The following ARHGEF18 variants were observed in gnomAD, a reference collection of about 807,000 sequenced individuals.
ARHGEF18 encodes rho guanine nucleotide exchange factor 18.
Under a neutral mutation model 155.7 loss-of-function variants are expected in ARHGEF18, and 93 were observed. The ratio of observed to expected loss-of-function variants is 0.60; its 90% CI spans 0.50 to 0.71. ARHGEF18 has a LOEUF of 0.71. Ranked by LOEUF, ARHGEF18 falls within the 30% of genes least tolerant of loss-of-function variation. ARHGEF18 has a pLI of 0.00. For synonymous variants in ARHGEF18, 742 were observed against 753.1 expected, an observed-to-expected ratio of 0.99 and a Z score of 0.24; for missense variants, 1,593 against 1,816.1, an observed-to-expected ratio of 0.88 and a Z score of 2.23.
chr19:7,472,928 C>T (rs1463290862), downstream of ARHGEF18: 2 of 453,518 alleles, frequency 4.4e-6, no homozygotes, highest in African/African-American at 2.0e-5. Flanking sequence ...TCTCGAACTC[C>T]TGACCTCAAG....
At position 7,467,369 on chromosome 19, in the gene ARHGEF18, C is replaced by T; in HGVS notation, c.3165C>T (p.Ala1055=). ...NFEKQREERA[A]LEKLQSQLRH... is the part of the protein sequence containing the mutation. ...AGAAGCAGCGGGAGGAGCGCGCGGC[C>T]CTGGAGAAGCTGCAGAGCCAGCTGC... Residue 1055 remains alanine (A), a synonymous_variant, in exon 26 of 29, where the codon GCC becomes GCT. Transcript: ENST00000668164. 3.9e-6 allele frequency: 6 copies of T among 1,534,050 alleles called. No individual in the cohort carries two copies. The highest frequency in any genetic ancestry group is 5.2e-6 in the Non-Finnish European group (6 of 1,145,760).
chr19:7,465,659 T>TG (rs944202384), intron 23 of ARHGEF18, among the ~76,000 whole-genome samples: 2 of 152,186 alleles, frequency 1.3e-5, no homozygotes, highest in African/African-American at 4.8e-5. Context: ...TCCTCCTGCC[T>TG]GGGCCTCCCA....
At chr19:7,421,757 GC>G (rs1343261326) in intron 10 of ARHGEF18, among the ~76,000 whole-genome samples, 1 of 152,000 alleles carries the variant, frequency 6.6e-6, no homozygotes, top group Non-Finnish European at 1.5e-5. Context: ...GTGACACTCC[GC>G]CTCAAAAATA....
Position 7,467,416 on chromosome 19 carries a change from A to G in ARHGEF18, c.3212A>G (p.Glu1071Gly). 6.5e-7 allele frequency: 1 copy of G among 1,532,088 alleles called. No individual in the cohort carries two copies. Among genetic ancestry groups the G allele is most frequent in the Non-Finnish European group, 8.7e-7 (1 of 1,145,394 alleles). 94.9% of individuals were successfully genotyped at this position (1,532,088 alleles called of 1,614,324 possible). The change falls in exon 26 of 29, where the codon GAG becomes GGG. Residue 1071 changes from glutamate to glycine, a missense_variant. Coordinates refer to ENST00000668164, the MANE Select transcript of ARHGEF18 (RefSeq NM_001367823.1). Reference sequence around the variant, plus strand: ...CTGCGGCACGAGCAGCAGCGCTGGGAGCGCGAGCGCCAGTGGCAGCACCAG... The same window carrying G: ...CTGCGGCACGAGCAGCAGCGCTGGGGGCGCGAGCGCCAGTGGCAGCACCAG... Reference protein sequence around the residue: ...SQLRHEQQRWERERQWQHQEL... With the variant: ...SQLRHEQQRWGRERQWQHQEL...
intron 10 of ARHGEF18, among the ~76,000 whole-genome samples, chr19:7,399,928 G>A (rs1038056544): frequency 7.2e-5 from 11 of 151,748 alleles, no homozygotes; most frequent in African/African-American, 2.2e-4. Context: ...GCGTACCACC[G>A]CGCCCAATTA....
chr19:7,434,038 GAAA>G (rs148178710), intron 10 of ARHGEF18, among the ~76,000 whole-genome samples: 7 of 55,528 alleles, frequency 1.3e-4, no homozygotes, highest in South Asian at 1.5e-3. Flanking sequence ...AAAAAAAAAA[GAAA>G]AAAAAAGTAT....
chr19:7,464,113 C>A (rs935404390), intron 22 of ARHGEF18, among the ~76,000 whole-genome samples, 158 bp downstream of exon 22: 1 of 152,240 alleles, frequency 6.6e-6, no homozygotes, highest in African/African-American at 2.4e-5. Context: ...TCTCAGCTCT[C>A]TGCAACCTCT....
chr19:7,360,657 C>A (rs1969509206), intron 1 of ARHGEF18, among the ~76,000 whole-genome samples: 1 of 152,206 alleles, frequency 6.6e-6, no homozygotes, highest in Admixed American at 6.5e-5. Flanking sequence ...TCCAGTGAAG[C>A]AAGCCAACCC....
chr19:7,431,529 A>AAAAAAAAAAAAAAAAAAAAAAAAAAG lies in ARHGEF18; in HGVS notation c.968-8811_968-8810insAAAAAAAAAAAAAAAAAAAAAGAAAA, dbSNP rs901539858. On this transcript the variant is annotated intron_variant, in intron 10 of 28. Transcript: ENST00000668164. ...CCATCTCAAAAAAAAAAAAAAAAAA[A>AAAAAAAAAAAAAAAAAAAAAAAAAAG]AAAAGGCCGGGCTCAGTGGCTCACG... Among the ~76,000 whole-genome samples, 39 of 146,822 alleles carry AAAAAAAAAAAAAAAAAAAAAAAAAAG rather than the reference A, an allele frequency of 2.7e-4. 2 individuals are homozygous for AAAAAAAAAAAAAAAAAAAAAAAAAAG. The highest frequency in any genetic ancestry group is 4.8e-4 in the Non-Finnish European group (32 of 65,982).
At chr19:7,459,659 G>A (rs1025549397) in intron 19 of ARHGEF18, among the ~76,000 whole-genome samples, 4 of 152,212 alleles carry the variant, frequency 2.6e-5, no homozygotes, top group African/African-American at 9.6e-5. Flanking sequence ...CTGTCCCCTG[G>A]ACTCCTCCTC....
At chr19:7,349,788 T>C (rs1182785256) in intron 1 of ARHGEF18, among the ~76,000 whole-genome samples, 1 of 152,056 alleles carries the variant, frequency 6.6e-6, no homozygotes, top group Non-Finnish European at 1.5e-5. Flanking sequence ...GAGCTCCTTG[T>C]AGCCAAGGCC....
At chr19:7,381,896 A>G (rs979654640) in intron 8 of ARHGEF18, among the ~76,000 whole-genome samples, 4 of 152,018 alleles carry the variant, frequency 2.6e-5, no homozygotes, top group Non-Finnish European at 5.9e-5. Context: ...GATATTTACA[A>G]AGTTCCAGAA....
At chr19:7,477,940 TGAGCC>T in the ARHGEF18 span, among the ~76,000 whole-genome samples, 1 of 152,248 alleles carries the variant, frequency 6.6e-6, no homozygotes, top group Non-Finnish European at 1.5e-5. Context: ...GAGGATCAGT[TGAGCC>T]CAGGAGGCAG....
intron 10 of ARHGEF18, among the ~76,000 whole-genome samples, chr19:7,419,717 C>T (rs1018071332): frequency 1.3e-5 from 2 of 152,086 alleles, no homozygotes; most frequent in African/African-American, 2.4e-5. Context: ...CACTGAGTTG[C>T]GTAGGGTGTG....
At position 7,470,355 on chromosome 19, in the gene ARHGEF18, T is replaced by G; in HGVS notation, c.*57T>G. The G allele has an allele frequency of 7.2e-7, 1 of 1,383,896 alleles. No homozygotes were observed. Among genetic ancestry groups the G allele is most frequent in the African/African-American group, 1.5e-5 (1 of 66,430 alleles). The allele number at this position is 1,383,896 out of a possible 1,614,324, so 85.7% of individuals were successfully genotyped here. On this transcript the variant is annotated 3_prime_UTR_variant, in exon 29 of 29. Transcript: ENST00000668164. The surrounding 1 kb of genome is among the most constrained non-coding windows in gnomAD (Gnocchi z 5.9). ...CCTGCCCTGCCCACCCTTCCTGCTC[T>G]CTGGGGACCCCCATGGGGTCACCAT... is the stretch of plus-strand genomic sequence containing the variant.
intron 5 of ARHGEF18, among the ~76,000 whole-genome samples, chr19:7,377,597 A>G (rs2145423221): frequency 6.6e-6 from 1 of 151,942 alleles, no homozygotes; most frequent in Non-Finnish European, 1.5e-5. Context: ...CAGCCTGGGC[A>G]ACATGGCGAA....
chr19:7,463,977 CT>C lies in ARHGEF18; in HGVS notation c.2773+23del. On this transcript the variant is annotated intron_variant, in intron 22 of 28. Transcript: ENST00000668164. The surrounding 1 kb of genome is among the most constrained non-coding windows in gnomAD (Gnocchi z 5.2). The stretch of plus-strand genomic sequence containing the variant: ...AAGAGTAAGAGCGGGGCCGTCTCCC[CT>C]CCTGCCTCCAGGGCCGCCCCTCAGG... The C allele has an allele frequency of 6.4e-7, 1 of 1,557,978 alleles. No individual in the cohort carries two copies. The highest frequency in any genetic ancestry group is 8.7e-7 in the Non-Finnish European group (1 of 1,150,904).
intron 2 of ARHGEF18, among the ~76,000 whole-genome samples, chr19:7,371,757 G>C (rs1351655672): frequency 1.3e-5 from 2 of 151,928 alleles, no homozygotes; most frequent in African/African-American, 4.8e-5. Flanking sequence ...GGAGGTGAAG[G>C]TTGCAGTGAG....
intron 10 of ARHGEF18, among the ~76,000 whole-genome samples, chr19:7,419,204 A>G (rs1257334595): frequency 1.2e-5 from 1 of 84,972 alleles, no homozygotes; most frequent in South Asian, 3.5e-4. Context: ...CGGCCTCTGT[A>G]CCCCGATGTA....
Sources: allele counts gnomAD v4.1 joint callset (sites outside exome capture counted in the v4.1 genomes callset), GRCh38; gene constraint gnomAD v4.1.1; non-coding constraint Gnocchi (gnomAD v3.1); transcripts MANE v1.5; gene names NCBI Gene and HGNC (gene_info 2026-07-23, HGNC 2026-07-21).